The following WDR49 variants were observed in gnomAD, a reference collection of about 807,000 sequenced individuals.
The protein encoded by WDR49 is cilia- and flagella-associated protein 337.
In WDR49, 107 loss-of-function variants were observed where a neutral mutation model predicts 119.5. The observed-to-expected ratio is 0.90, with a 90% confidence interval of 0.77 to 1.05. The LOEUF is 1.05. Among genes scored for constraint, WDR49 ranks in the 50% least tolerant of loss-of-function variants. The pLI is 0.00. For synonymous variants in WDR49, 425 were observed against 418.8 expected (o/e 1.01, Z -0.18); for missense variants, 1,240 against 1,220.5 (o/e 1.02, Z -0.24).
chr3:167,588,942 T>C (rs1714966596), intron 7 of WDR49, among the ~76,000 whole-genome samples: 1 of 152,142 alleles, frequency 6.6e-6, no homozygotes, highest in African/African-American at 2.4e-5. Flanking sequence ...TTTAACTTAA[T>C]GTGATCCCAC....
In WDR49 at chr3:167,624,345, T is replaced by TAAA. The variant is rs200365249; in HGVS notation, c.606+2504_606+2506dup. Among the ~76,000 whole-genome samples, 242 of 143,576 alleles carry TAAA rather than the reference T, an allele frequency of 1.7e-3. 2 individuals carry two copies. The highest frequency in any genetic ancestry group is 5.0e-3 in the African/African-American group (198 of 39,484). 94.2% of individuals were successfully genotyped at this position (143,576 alleles called of 152,430 possible). A position where few individuals can be genotyped will look rare whatever the true frequency, so the allele number is the denominator to read the frequency against. Reference sequence around the variant, plus strand: ...AATTCTCAAAATAGTTATGCCATGGTAAAAAAAAAAAGAAAAGAAAAAAAG... The same window carrying TAAA: ...AATTCTCAAAATAGTTATGCCATGGTAAAAAAAAAAAAAAGAAAAGAAAAAAAG... On this transcript the variant is annotated intron_variant, in intron 3 of 18. Coordinates refer to ENST00000682715, the MANE Select transcript of WDR49 (RefSeq NM_001366157.1).
chr3:167,643,171 A>G (rs1419026508), intron 2 of WDR49, among the ~76,000 whole-genome samples: 2 of 152,128 alleles, frequency 1.3e-5, no homozygotes, highest in African/African-American at 4.8e-5. Context: ...TAAAACTATC[A>G]GCCCACAAGT....
At chr3:167,603,546 A>T (rs1715881759) in intron 6 of WDR49, among the ~76,000 whole-genome samples, 1 of 152,144 alleles carries the variant, frequency 6.6e-6, no homozygotes, top group South Asian at 2.1e-4. Flanking sequence ...TATGAATGAC[A>T]ACTATTGAAT....
At chr3:167,568,044 T>A (rs1237122846) in intron 8 of WDR49, among the ~76,000 whole-genome samples, 1 of 152,226 alleles carries the variant, frequency 6.6e-6, no homozygotes, top group Non-Finnish European at 1.5e-5. Flanking sequence ...AGTTGGTCTA[T>A]CCCTTCCTGC....
At chr3:167,538,231 T>C (rs4117792) in intron 10 of WDR49, among the ~76,000 whole-genome samples, 85,432 of 151,810 alleles carry the variant, frequency 0.56, 26,079 homozygotes, top group African/African-American at 0.82. Context: ...TTGACAGTTC[T>C]GTATAATGCT....
intron 8 of WDR49, among the ~76,000 whole-genome samples, chr3:167,565,728 C>T (rs1304570649): frequency 1.3e-5 from 2 of 152,028 alleles, no homozygotes; most frequent in African/African-American, 2.4e-5. Flanking sequence ...GCCAGCAAGG[C>T]TTAAGCAGTG....
intron 11 of WDR49, among the ~76,000 whole-genome samples, chr3:167,534,042 A>C (rs756129904): frequency 2.8e-4 from 43 of 151,962 alleles, no homozygotes; most frequent in Admixed American, 4.6e-4. Flanking sequence ...ACAAAAAAAA[A>C]AACTTAGCTG....
At chr3:167,479,143 T>C in intron 18 of WDR49, 147 bp from the exon 19 acceptor site, 1 of 622,426 alleles carries the variant, frequency 1.6e-6, no homozygotes, top group Non-Finnish European at 2.7e-6. Context: ...AAATTTTCTC[T>C]AAGCTTCTGC....
chr3:167,649,831 A>G (rs1718287608), intron 2 of WDR49, among the ~76,000 whole-genome samples: 2 of 152,194 alleles, frequency 1.3e-5, no homozygotes, highest in African/African-American at 4.8e-5. Flanking sequence ...GGCTTGGGCA[A>G]ATGATAGCAT....
At chr3:167,526,511 T>TCCAGACTGCCAGCCATGTC (rs1276951038) in intron 15 of WDR49, among the ~76,000 whole-genome samples, 3 of 152,144 alleles carry the variant, frequency 2.0e-5, no homozygotes, top group Non-Finnish European at 4.4e-5. Context: ...CTCTTTCCTG[T>TCCAGACTGCCAGCCATGTC]CCAGACTGCC....
rs1272923531 is a variant in WDR49, at chr3:167,487,849, T to C, written c.3032-8853A>G. Among the ~76,000 whole-genome samples, 4 of 151,986 alleles carry C rather than the reference T, an allele frequency of 2.6e-5. 1 individual carries two copies. The highest frequency in any genetic ancestry group is 7.2e-5 in the African/African-American group (3 of 41,394). On this transcript the variant is annotated intron_variant, in intron 18 of 18. Coordinates refer to ENST00000682715, the MANE Select transcript of WDR49 (RefSeq NM_001366157.1). ...AAATACCTTCTCACACCAGTCAAAATGGCTATTATTAAGTCAAAAAACAAC... is the reference window on the plus strand; with the variant it reads ...AAATACCTTCTCACACCAGTCAAAACGGCTATTATTAAGTCAAAAAACAAC...
At chr3:167,511,136 G>T (rs1751955147) in intron 16 of WDR49, among the ~76,000 whole-genome samples, 1 of 152,198 alleles carries the variant, frequency 6.6e-6, no homozygotes, top group African/African-American at 2.4e-5. Context: ...TTCTGCAAAG[G>T]ATTCCTGATC....
At chr3:167,510,507 T>C (rs1265815377) in intron 16 of WDR49, among the ~76,000 whole-genome samples, 1 of 152,150 alleles carries the variant, frequency 6.6e-6, no homozygotes, top group Non-Finnish European at 1.5e-5. Context: ...AAAGGATAAA[T>C]CTATTTCTCC....
intron 16 of WDR49, among the ~76,000 whole-genome samples, chr3:167,510,838 C>T (rs920071368): frequency 6.6e-6 from 1 of 151,626 alleles, no homozygotes; most frequent in Non-Finnish European, 1.5e-5. Context: ...ATCTTTCTTC[C>T]TGTGCACCAA....
At chr3:167,500,410 CCT>C in intron 17 of WDR49, 111 bp from the exon 18 acceptor site, 2 of 1,309,720 alleles carry the variant, frequency 1.5e-6, no homozygotes, top group Non-Finnish European at 2.1e-6. Flanking sequence ...ATTTAACCTT[CCT>C]GTTACTCAGC....
chr3:167,642,503 T>C (rs1052792745), intron 2 of WDR49, among the ~76,000 whole-genome samples: 1 of 152,004 alleles, frequency 6.6e-6, no homozygotes, highest in East Asian at 1.9e-4. Flanking sequence ...CCCTGTGGTA[T>C]TTGAATTGAA....
chr3:167,633,450 C>T, intron 2 of WDR49: 1 of 456,230 alleles, frequency 2.2e-6, no homozygotes, highest in South Asian at 1.6e-5. Flanking sequence ...ACAAGAGCGA[C>T]ATTTCATCCA....
intron 10 of WDR49, among the ~76,000 whole-genome samples, chr3:167,544,298 G>A (rs1490197312): frequency 6.6e-6 from 1 of 151,848 alleles, no homozygotes; most frequent in East Asian, 1.9e-4. Flanking sequence ...ATTCTTCACA[G>A]AATTAGAAAA....
intron 7 of WDR49, among the ~76,000 whole-genome samples, chr3:167,597,887 A>G (rs141088211): frequency 6.6e-6 from 1 of 152,312 alleles, no homozygotes; most frequent in African/African-American, 2.4e-5. Context: ...TAGCATTTGC[A>G]GGCTCATAGG....
Sources: allele counts gnomAD v4.1 joint callset (sites outside exome capture counted in the v4.1 genomes callset), GRCh38; gene constraint gnomAD v4.1.1; transcripts MANE v1.5; gene names NCBI Gene and HGNC (gene_info 2026-07-23, HGNC 2026-07-21).